The following SPOCK3 variants were observed in gnomAD, a reference collection of about 807,000 sequenced individuals.
SPOCK3 encodes testican-3.
Under a neutral mutation model 56.6 loss-of-function variants are expected in SPOCK3, and 30 were observed. The observed-to-expected ratio is 0.53, with a 90% CI of 0.40 to 0.72. The LOEUF (loss-of-function observed/expected upper bound fraction) is 0.72. SPOCK3 is among the 30% of genes least tolerant of loss of function. SPOCK3 has a pLI of 0.00. For missense variants in SPOCK3, 527 were observed against 530.0 expected, an observed-to-expected ratio of 0.99 and a Z score of 0.06; for synonymous variants, 196 against 183.3, an observed-to-expected ratio of 1.07 and a Z score of -0.56.
intron 5 of SPOCK3, 57 bp from the exon 6 acceptor site, chr4:166,889,301 T>A (rs1734520916): frequency 1.8e-6 from 2 of 1,123,684 alleles, no homozygotes; most frequent in Non-Finnish European, 2.6e-6. Flanking sequence ...TCAGTAAAAC[T>A]CAAGAAATTT....
At chr4:167,114,022 G>T (rs1761128424) in intron 2 of SPOCK3, among the ~76,000 whole-genome samples, 1 of 152,058 alleles carries the variant, frequency 6.6e-6, no homozygotes, top group Admixed American at 6.6e-5. Context: ...CCAGCGCAAA[G>T]TGAGAGAAAG....
chr4:167,075,997 A>G, intron 2 of SPOCK3, among the ~76,000 whole-genome samples: 1 of 152,000 alleles, frequency 6.6e-6, no homozygotes, highest in Non-Finnish European at 1.5e-5. Flanking sequence ...ATTAAAATAC[A>G]TTGAGGGAAA....
rs1321241783 is a variant in SPOCK3 at position 167,109,085 on chromosome 4, ATATATAAATAT to A, written c.190-46559_190-46549del. Among the ~76,000 whole-genome samples, 7 of 14,826 alleles carry A rather than the reference ATATATAAATAT, an allele frequency of 4.7e-4. 2 individuals are homozygous for A. The highest frequency in any genetic ancestry group is 7.5e-4 in the Non-Finnish European group (7 of 9,308). The allele number at this position is 14,826 out of a possible 152,430, so 9.7% of individuals were successfully genotyped here. On this transcript the variant is annotated intron_variant, in intron 2 of 10. Transcript: ENST00000357545. Reference sequence around the variant, plus strand: ...AAATATTATATATTTATATAAAAATATATATAAATATTATATATTTATATAAAAATATATAT... The same window carrying A: ...AAATATTATATATTTATATAAAAATATATATATTTATATAAAAATATATAT...
At chr4:166,945,880 C>T (rs1186693758) in intron 4 of SPOCK3, among the ~76,000 whole-genome samples, 1 of 152,154 alleles carries the variant, frequency 6.6e-6, no homozygotes, top group Non-Finnish European at 1.5e-5. Flanking sequence ...ACCTTCTCCA[C>T]CTGAGGTGAA....
intron 3 of SPOCK3, chr4:167,011,380 T>C: frequency 2.2e-6 from 1 of 445,836 alleles, no homozygotes; most frequent in Non-Finnish European, 4.5e-6. Context: ...AATACTTTCC[T>C]TTTCTATTCT....
At chr4:167,165,857 A>G (rs905815937) in intron 2 of SPOCK3, among the ~76,000 whole-genome samples, 3 of 152,074 alleles carry the variant, frequency 2.0e-5, no homozygotes, top group Non-Finnish European at 4.4e-5. Context: ...ATTGATAGAT[A>G]TGACATCACC....
chr4:167,127,825 A>T (rs1263075412), intron 2 of SPOCK3, among the ~76,000 whole-genome samples: 1 of 152,246 alleles, frequency 6.6e-6, no homozygotes, highest in Admixed American at 6.5e-5. Context: ...TTGAGAAGAA[A>T]ATAAATTCTC....
chr4:167,124,735 T>C (rs962965548), intron 2 of SPOCK3, among the ~76,000 whole-genome samples: 3 of 152,200 alleles, frequency 2.0e-5, no homozygotes, highest in Admixed American at 6.5e-5. Flanking sequence ...TGTCATCAGA[T>C]AGAAGCCCTC....
intron 4 of SPOCK3, among the ~76,000 whole-genome samples, chr4:166,974,498 T>C (rs1032030420): frequency 6.6e-6 from 1 of 152,154 alleles, no homozygotes; most frequent in African/African-American, 2.4e-5. Flanking sequence ...TCATAACAAA[T>C]GTTTTTAATA....
chr4:166,812,865 C>T (rs1743980136), intron 6 of SPOCK3, among the ~76,000 whole-genome samples: 1 of 151,950 alleles, frequency 6.6e-6, no homozygotes, highest in Admixed American at 6.6e-5. Flanking sequence ...TGATTTCTTT[C>T]AAGTTCATTG....
intron 2 of SPOCK3, among the ~76,000 whole-genome samples, chr4:167,089,317 C>T (rs1758499056): frequency 6.6e-6 from 1 of 152,146 alleles, no homozygotes; most frequent in African/African-American, 2.4e-5. Flanking sequence ...CCAGAGATGG[C>T]TTCCCAGAGG....
chr4:166,988,217 T>C (rs892834213), intron 4 of SPOCK3, among the ~76,000 whole-genome samples: 2 of 151,804 alleles, frequency 1.3e-5, no homozygotes, highest in African/African-American at 2.4e-5. Flanking sequence ...ATAGTAACAA[T>C]AATAAAAGCA....
chr4:167,203,170 T>C (rs1486781051), intron 2 of SPOCK3, among the ~76,000 whole-genome samples: 1 of 151,976 alleles, frequency 6.6e-6, no homozygotes, highest in Non-Finnish European at 1.5e-5. Flanking sequence ...TACTTACTGA[T>C]TTTTTTAGTA....
At chr4:167,183,212 T>C (rs932180839) in intron 2 of SPOCK3, among the ~76,000 whole-genome samples, 1 of 151,982 alleles carries the variant, frequency 6.6e-6, no homozygotes, top group Non-Finnish European at 1.5e-5. Flanking sequence ...CCCAGCCCAG[T>C]CCAGCCCAGC....
chr4:166,870,971 A>ACCAT (rs1732406542), intron 6 of SPOCK3, among the ~76,000 whole-genome samples: 1 of 152,028 alleles, frequency 6.6e-6, no homozygotes, highest in African/African-American at 2.4e-5. Flanking sequence ...CTCTCCTGCC[A>ACCAT]CCATGTAAAG....
At chr4:167,002,403 C>G (rs897060224) in intron 3 of SPOCK3, among the ~76,000 whole-genome samples, 26 of 152,160 alleles carry the variant, frequency 1.7e-4, no homozygotes, top group African/African-American at 6.0e-4. Context: ...AATGTTAACA[C>G]ATATCATTGG....
At chr4:166,799,459 C>T (rs1235973170) in intron 6 of SPOCK3, among the ~76,000 whole-genome samples, 1 of 152,150 alleles carries the variant, frequency 6.6e-6, no homozygotes, top group Non-Finnish European at 1.5e-5. Flanking sequence ...CCGAGGAAGA[C>T]ATTCGGAAGA....
intron 6 of SPOCK3, among the ~76,000 whole-genome samples, chr4:166,867,018 T>C (rs1731920960): frequency 6.6e-6 from 1 of 152,102 alleles, no homozygotes; most frequent in Admixed American, 6.6e-5. Context: ...ACCATGACTC[T>C]GGAGCTACTA....
At chr4:166,952,077 G>C (rs2150038483) in intron 4 of SPOCK3, among the ~76,000 whole-genome samples, 1 of 152,264 alleles carries the variant, frequency 6.6e-6, no homozygotes, top group Admixed American at 6.5e-5. Flanking sequence ...TGGAGATTCT[G>C]GCCAGGGCAA....
Sources: allele counts gnomAD v4.1 joint callset (sites outside exome capture counted in the v4.1 genomes callset), GRCh38; gene constraint gnomAD v4.1.1; transcripts MANE v1.5; gene names NCBI Gene and HGNC (gene_info 2026-07-23, HGNC 2026-07-21).